The following GLMN variants were observed in gnomAD, a reference collection of about 807,000 sequenced individuals.
GLMN encodes the protein glomulin, FKBP associated protein.
In GLMN, 75 loss-of-function variants were observed where a neutral mutation model predicts 87.8. The ratio of observed to expected loss-of-function variants is 0.85; its 90% CI spans 0.71 to 1.04. GLMN has a LOEUF of 1.04. Among genes scored for constraint, GLMN ranks in the 50% least tolerant of loss-of-function variants. The pLI, the probability that GLMN is intolerant of heterozygous loss-of-function variation, is 0.00. For synonymous variants in GLMN, 206 were observed against 221.6 expected, an observed-to-expected ratio of 0.93 and a Z score of 0.63; for missense variants, 588 against 658.8, an observed-to-expected ratio of 0.89 and a Z score of 1.18.
chr1:92,365,873 GT>G, the GLMN span, among the ~76,000 whole-genome samples: 2 of 152,006 alleles, frequency 1.3e-5, no homozygotes, highest in South Asian at 4.1e-4. Context: ...TACTTCTGGG[GT>G]TATTTGTTCA....
chr1:92,247,807 T>C, intron 17 of GLMN, 71 bp downstream of exon 17: 1 of 752,026 alleles, frequency 1.3e-6, no homozygotes, highest in African/African-American at 1.7e-5. Context: ...AGTTCTTAAA[T>C]TTGAATATGA....
rs1204457506 is a variant in GLMN, at chr1:92,246,926, G to T, written c.1668+136C>A. 8.2e-6 allele frequency: 6 copies of T among 728,066 alleles called. No homozygotes were observed. In the African/African-American group the frequency reaches 1.0e-4, roughly 13 times the overall value. 45.1% of individuals were successfully genotyped at this position (728,066 alleles called of 1,614,324 possible). A position where few individuals can be genotyped will look rare whatever the true frequency, so the allele number is the denominator to read the frequency against. On this transcript the variant is annotated intron_variant, in intron 18 of 18. Transcript: ENST00000370360. ...CAGTCCTGGCTAATCAGGAATCTGA[G>T]GTGGGTGGATCACTTGAGCCCAGGG...
At chr1:92,325,463 T>G in the GLMN span, among the ~76,000 whole-genome samples, 1 of 152,150 alleles carries the variant, frequency 6.6e-6, no homozygotes, top group East Asian at 1.9e-4. Context: ...CTGAGCTGCA[T>G]AAACCTACCA....
At chr1:92,345,037 TTC>T in the GLMN span, among the ~76,000 whole-genome samples, 3 of 152,314 alleles carry the variant, frequency 2.0e-5, no homozygotes, top group Non-Finnish European at 4.4e-5. Context: ...TAAAATTTAC[TTC>T]TGTTTTTTTA....
intron 16 of GLMN, among the ~76,000 whole-genome samples, chr1:92,252,812 A>G (rs993464152): frequency 2.0e-5 from 3 of 152,252 alleles, no homozygotes; most frequent in African/African-American, 7.2e-5. Flanking sequence ...ATAATTAAAA[A>G]TTTGAAATGT....
chr1:92,346,127 A>T, the GLMN span, among the ~76,000 whole-genome samples: 1 of 150,746 alleles, frequency 6.6e-6, no homozygotes, highest in Non-Finnish European at 1.5e-5. Flanking sequence ...TCTTCTGAAT[A>T]CCTTATTCTT....
chr1:92,279,611 TG>T (rs2100978167), intron 7 of GLMN, among the ~76,000 whole-genome samples: 1 of 151,964 alleles, frequency 6.6e-6, no homozygotes, highest in Non-Finnish European at 1.5e-5. Context: ...GGTTGGACAG[TG>T]GGTGCAGCCC....
chr1:92,320,188 C>T, the GLMN span, among the ~76,000 whole-genome samples: 5,628 of 152,124 alleles, frequency 0.037, 266 homozygotes, highest in African/African-American at 0.11. Context: ...TTGAACTTAA[C>T]CCTGAAAAGT....
chr1:92,327,334 G>A, the GLMN span, among the ~76,000 whole-genome samples: 1 of 152,046 alleles, frequency 6.6e-6, no homozygotes, highest in Non-Finnish European at 1.5e-5. Flanking sequence ...ATAAATTTGG[G>A]AGCTCCAGGT....
At chr1:92,323,506 A>T in the GLMN span, 6 of 1,613,768 alleles carry the variant, frequency 3.7e-6, no homozygotes, top group Non-Finnish European at 5.1e-6. Flanking sequence ...AGATATCGAC[A>T]ATCCTAGCCA....
At chr1:92,266,330 C>A in intron 13 of GLMN, 89 bp downstream of exon 13, 1 of 761,980 alleles carries the variant, frequency 1.3e-6, no homozygotes, top group Non-Finnish European at 2.4e-6. Context: ...TAAAACATAC[C>A]GACATACTAT....
chr1:92,367,121 C>T, the GLMN span, among the ~76,000 whole-genome samples: 1 of 152,104 alleles, frequency 6.6e-6, no homozygotes, highest in Non-Finnish European at 1.5e-5. Flanking sequence ...CCAGTATGAC[C>T]CTCAATAATT....
chr1:92,340,902 G>A, the GLMN span, among the ~76,000 whole-genome samples: 3 of 152,006 alleles, frequency 2.0e-5, no homozygotes, highest in African/African-American at 7.2e-5. Flanking sequence ...TTCTAAATTT[G>A]AATTAAAATT....
At position 92,255,078 on chromosome 1, in the gene GLMN, G is replaced by A. The variant is rs374114747; in HGVS notation, c.1474-7089C>T. On this transcript the variant is annotated intron_variant, in intron 16 of 18. Transcript: ENST00000370360. ...ATGAAGGATTATTTACCAAGCAAAC[G>A]GAAAGAAAAAAAAAAAGCAGAGGTT... Among the ~76,000 whole-genome samples the A allele has an allele frequency of 2.3e-4, 34 of 147,622 alleles. No homozygotes were observed. In the East Asian group the frequency reaches 3.5e-3, roughly 15 times the overall value.
At chr1:92,365,900 C>T in the GLMN span, among the ~76,000 whole-genome samples, 1 of 152,078 alleles carries the variant, frequency 6.6e-6, no homozygotes. Flanking sequence ...TACTGACTTA[C>T]ATGACCTTAA....
chr1:92,323,964 T>C, the GLMN span: 2 of 1,614,156 alleles, frequency 1.2e-6, no homozygotes, highest in African/African-American at 1.3e-5. Context: ...ACCAAGTGTC[T>C]AGGTCAGTGT....
chr1:92,310,609 T>C, the GLMN span, among the ~76,000 whole-genome samples: 1 of 152,098 alleles, frequency 6.6e-6, no homozygotes, highest in Non-Finnish European at 1.5e-5. Context: ...TAATAATAAA[T>C]TTTTATGGCC....
At chr1:92,267,812 G>T in intron 11 of GLMN, 101 bp downstream of exon 11, 1 of 754,016 alleles carries the variant, frequency 1.3e-6, no homozygotes, top group Non-Finnish European at 2.4e-6. Context: ...GTTTTCAAAG[G>T]TTGCAGAGAA....
chr1:92,338,461 T>C, the GLMN span, among the ~76,000 whole-genome samples: 1 of 152,130 alleles, frequency 6.6e-6, no homozygotes, highest in South Asian at 2.1e-4. Flanking sequence ...GAACCATGCA[T>C]CCAAAAGGAG....
Sources: allele counts gnomAD v4.1 joint callset (sites outside exome capture counted in the v4.1 genomes callset), GRCh38; gene constraint gnomAD v4.1.1; transcripts MANE v1.5; gene names NCBI Gene and HGNC (gene_info 2026-07-23, HGNC 2026-07-21).